TRPV5: variants seen among roughly 807,000 people sequenced by gnomAD.
TRPV5 encodes the protein transient receptor potential cation channel subfamily V member 5, also known as calcium transport protein 2.
TRPV5 carries 66 observed loss-of-function variants against 74.1 expected under a neutral mutation model. That is an observed-to-expected ratio of 0.89 (90% CI 0.73 to 1.09). TRPV5 has a LOEUF of 1.09. Among genes scored for constraint, TRPV5 ranks in the 50% least tolerant of loss-of-function variants. The pLI is 0.00. For synonymous variants in TRPV5, 399 were observed against 360.7 expected, an observed-to-expected ratio of 1.11 and a Z score of -1.20; for missense variants, 936 against 930.4, an observed-to-expected ratio of 1.01 and a Z score of -0.08.
intron 7 of TRPV5, 145 bp from the exon 8 acceptor site, chr7:142,925,886 G>A: frequency 1.4e-6 from 1 of 730,994 alleles, no homozygotes; most frequent in Admixed American, 2.2e-5. Flanking sequence ...TATATTTCCT[G>A]CATATGGCTG....
intron 3 of TRPV5, 95 bp from the exon 4 acceptor site, chr7:142,929,660 T>C (rs904389893): frequency 2.6e-6 from 4 of 1,547,378 alleles, no homozygotes; most frequent in East Asian, 4.6e-5. Context: ...AGGTTCCTGA[T>C]AGATCTTTGC....
At position 142,933,426 on chromosome 7, in the gene TRPV5, C is replaced by G. The variant is rs151068993; in HGVS notation, c.34G>C (p.Gly12Arg). 15 of 1,613,984 alleles carry G rather than the reference C, an allele frequency of 9.3e-6. No individual in the cohort carries two copies. Among genetic ancestry groups the G allele is most frequent in the Non-Finnish European group, 2.5e-6 (3 of 1,180,002 alleles). The change falls in exon 1 of 15, where the codon GGG becomes CGG. Residue 12 changes from glycine (G) to arginine (R), a missense_variant. By Grantham distance (125) the Gly-to-Arg change is moderately radical. Transcript: ENST00000265310. ...GGFLPKAEGP[G>R]SQLQKLLPSF... ...GGCAGAAGTTTCTGGAGTTGGCTCC[C>G]GGGCCCTTCTGCCTTAGGTAGAAAA...
chr7:142,911,045 T>C (rs931180795), intron 13 of TRPV5, among the ~76,000 whole-genome samples: 4 of 152,158 alleles, frequency 2.6e-5, no homozygotes, highest in African/African-American at 9.7e-5. Flanking sequence ...GGGGGAAAGA[T>C]GTTCTTTTAA....
intron 8 of TRPV5, among the ~76,000 whole-genome samples, chr7:142,916,226 A>T (rs931800680): frequency 6.6e-6 from 1 of 152,200 alleles, no homozygotes; most frequent in Non-Finnish European, 1.5e-5. Context: ...ATGATTTGAC[A>T]TTACAGAAAA....
chr7:142,917,347 G>A (rs1001245233), intron 8 of TRPV5, among the ~76,000 whole-genome samples: 1 of 152,082 alleles, frequency 6.6e-6, no homozygotes, highest in South Asian at 2.1e-4. Context: ...TGCCATATAT[G>A]TGTCTATAAA....
chr7:142,915,417 T>C (rs760059429), intron 9 of TRPV5, 34 bp from the exon 10 acceptor site: 1 of 1,609,452 alleles, frequency 6.2e-7, no homozygotes, highest in South Asian at 1.1e-5. Context: ...AAATACAATG[T>C]GGACTGCGGT....
At chr7:142,930,656 G>A (rs949912905) in intron 1 of TRPV5, among the ~76,000 whole-genome samples, 2 of 152,258 alleles carry the variant, frequency 1.3e-5, no homozygotes, top group African/African-American at 4.8e-5. Context: ...ACATCATGGT[G>A]ATTCTCCTGT....
chr7:142,923,073 T>C (rs1421522115), intron 8 of TRPV5, among the ~76,000 whole-genome samples: 1 of 152,160 alleles, frequency 6.6e-6, no homozygotes. Context: ...GAAAGGATCT[T>C]AGGGGTGATG....
chr7:142,913,626 A>G (rs955610117), intron 12 of TRPV5, among the ~76,000 whole-genome samples: 9 of 152,200 alleles, frequency 5.9e-5, no homozygotes, highest in African/African-American at 1.9e-4. Context: ...GCAGAACGCC[A>G]TGGTTTTACT....
chr7:142,915,051 G>T lies in TRPV5; in HGVS notation c.1287-5C>A, dbSNP rs1156849652. 1.2e-6 allele frequency: 2 copies of T among 1,613,132 alleles called. No individual in the cohort carries two copies. The highest frequency in any genetic ancestry group is 4.5e-5 in the East Asian group (2 of 44,864). ...ACCAGGGAGGCATAGGTGATGCTGG[G>T]GGAGCAGAAAGCAGAGAGTGAGAGA... On this transcript the variant is annotated splice_polypyrimidine_tract_variant and splice_region_variant and intron_variant, in intron 10 of 14. Transcript: ENST00000265310.
intron 8 of TRPV5, among the ~76,000 whole-genome samples, chr7:142,921,341 G>A (rs1307721434): frequency 6.6e-6 from 1 of 152,128 alleles, no homozygotes; most frequent in Non-Finnish European, 1.5e-5. Flanking sequence ...GAGTGCAATG[G>A]CGTGATCTCG....
In TRPV5 at chr7:142,930,060, G is replaced by C; in HGVS notation, c.347C>G (p.Ala116Gly). The C allele has an allele frequency of 6.2e-7, 1 of 1,613,922 alleles. No homozygotes were observed. The highest frequency in any genetic ancestry group is 8.5e-7 in the Non-Finnish European group (1 of 1,179,950). The change falls in exon 3 of 15, where the codon GCA becomes GGA. Residue 116 changes from alanine (A) to glycine (G), a missense_variant and splice_region_variant. Ala to Gly is a moderately conservative substitution (Grantham distance 60). Coordinates refer to ENST00000265310, the MANE Select transcript of TRPV5 (RefSeq NM_019841.7). ...GAATTACCATGTAGGCTCCTTACCT[G>C]CAAAAGCCTCACATGTGGTGGGCTC... ...VFEPTTCEAF[A>G]GQTALHIAVV...
chr7:142,933,405 G>C lies in TRPV5; in HGVS notation c.55C>G (p.Leu19Val). 6.2e-7 allele frequency: 1 copy of C among 1,614,208 alleles called. No individual in the cohort carries two copies. The highest frequency in any genetic ancestry group is 1.7e-5 in the Admixed American group (1 of 60,026). The change falls in exon 1 of 15, where the codon CTG becomes GTG. Residue 19 changes from leucine (L) to valine (V), a missense_variant. Transcript: ENST00000265310. The part of the protein sequence containing the change: ...EGPGSQLQKL[L>V]PSFLVREQDW... The stretch of plus-strand genomic sequence containing the variant: ...TGTTCTCTGACCAGAAAGGAGGGCA[G>C]AAGTTTCTGGAGTTGGCTCCCGGGC...
At chr7:142,912,841 T>TATCTATC in intron 12 of TRPV5, 91 bp from the exon 13 acceptor site, 2 of 760,784 alleles carry the variant, frequency 2.6e-6, no homozygotes, top group Admixed American at 2.9e-5. Context: ...ATCTCTGATC[T>TATCTATC]ATCTATCTAT....
At chr7:142,911,364 G>A (rs368477079) in intron 13 of TRPV5, among the ~76,000 whole-genome samples, 3 of 152,188 alleles carry the variant, frequency 2.0e-5, no homozygotes, top group Admixed American at 2.0e-4. Context: ...AAATCTGCAA[G>A]TCTGTTTGAG....
rs751167967 is a variant in TRPV5, at chr7:142,908,685, A to G, written c.2019T>C (p.Ser673=). 1 of 1,614,050 alleles carries G rather than the reference A, an allele frequency of 6.2e-7. No individual in the cohort carries two copies. Among genetic ancestry groups the G allele is most frequent in the East Asian group, 2.2e-5 (1 of 44,868 alleles). ...PSEKQPSGAE[S]GTLARASLAL... ...CCAAAGAGGCTCTGGCTAGAGTCCC[A>G]CTCTCAGCCCCAGAGGGCTGTTTCT... The change falls in exon 15 of 15, where the codon AGT becomes AGC. Residue 673 remains serine (S), a synonymous_variant. Coordinates refer to ENST00000265310, the MANE Select transcript of TRPV5 (RefSeq NM_019841.7).
Position 142,909,516 on chromosome 7 carries a change from G to GA in TRPV5, c.1868dup (p.Gly624ArgfsTer11). ...GCAGGAACCAGCGGTCCCCCAGCCC[G>GA]AATTCGCACCCACAGATCCCGGAGC... On this transcript the variant is annotated frameshift_variant, in exon 14 of 15. Transcript: ENST00000265310. LOFTEE classifies it high-confidence loss of function. The GA allele has an allele frequency of 6.2e-7, 1 of 1,614,000 alleles. No individual in the cohort carries two copies. The highest frequency in any genetic ancestry group is 1.3e-5 in the African/African-American group (1 of 75,026).
chr7:142,920,241 GTC>G (rs553906025), intron 8 of TRPV5, among the ~76,000 whole-genome samples: 2 of 152,194 alleles, frequency 1.3e-5, no homozygotes, highest in South Asian at 4.1e-4. Flanking sequence ...TCATGTCCCA[GTC>G]TCTGCATTTT....
At chr7:142,932,008 T>C (rs1435262141) in intron 1 of TRPV5, among the ~76,000 whole-genome samples, 1 of 152,108 alleles carries the variant, frequency 6.6e-6, no homozygotes, top group Non-Finnish European at 1.5e-5. Flanking sequence ...AGCCAAAGTG[T>C]TTTCATTTAA....
Sources: allele counts gnomAD v4.1 joint callset (sites outside exome capture counted in the v4.1 genomes callset), GRCh38; gene constraint gnomAD v4.1.1; transcripts MANE v1.5; gene names NCBI Gene and HGNC (gene_info 2026-07-23, HGNC 2026-07-21).